The following FABP7 variants were observed in gnomAD, a reference collection of about 807,000 sequenced individuals.
FABP7 encodes fatty acid-binding protein, brain.
FABP7 carries 13 observed loss-of-function variants against 14.2 expected under a neutral mutation model. That is an observed-to-expected ratio of 0.91 (90% CI 0.59 to 1.45). The LOEUF (loss-of-function observed/expected upper bound fraction) is 1.45, where lower values mean the gene tolerates loss of function less well. Ranked by LOEUF, FABP7 falls within the 40% of genes most tolerant of loss-of-function variation. The probability of loss-of-function intolerance (pLI) is 0.00; values close to 1 mark genes in which losing one functional copy is unlikely to be tolerated. For missense variants in FABP7, 149 were observed against 157.6 expected, an observed-to-expected ratio of 0.95 and a Z score of 0.29; for synonymous variants, 49 against 51.4, an observed-to-expected ratio of 0.95 and a Z score of 0.20.
chr6:122,778,723 G>A (rs1279795369), upstream of FABP7, among the ~76,000 whole-genome samples: 1 of 152,182 alleles, frequency 6.6e-6, no homozygotes, highest in African/African-American at 2.4e-5. Flanking sequence ...AGGGCAAACT[G>A]AAACCAAAGC....
At chr6:122,782,961 A>G in intron 3 of FABP7, 1 of 985,448 alleles carries the variant, frequency 1.0e-6, no homozygotes, top group Non-Finnish European at 1.2e-6. Context: ...AGAAAAGTAG[A>G]TAGCTCAACC....
intron 3 of FABP7, chr6:122,783,328 A>G: frequency 1.0e-6 from 1 of 985,210 alleles, no homozygotes; most frequent in Non-Finnish European, 1.2e-6. Context: ...ATGGCTATTC[A>G]AAATTTATCT....
intron 3 of FABP7, chr6:122,783,491 T>C (rs1473784962): frequency 2.0e-6 from 2 of 985,352 alleles, no homozygotes; most frequent in Admixed American, 6.1e-5. Flanking sequence ...TCTTTTGACT[T>C]GAATCTAAAG....
At chr6:122,768,521 G>A in the FABP7 span, among the ~76,000 whole-genome samples, 81 of 152,142 alleles carry the variant, frequency 5.3e-4, no homozygotes, top group African/African-American at 2.0e-3. Context: ...ATGAGATTCA[G>A]GAAGATGTTT....
At chr6:122,782,056 A>G (rs1780802485) in intron 3 of FABP7, 19 of 985,242 alleles carry the variant, frequency 1.9e-5, no homozygotes, top group Admixed American at 1.2e-4. Context: ...CCAGCCCCCA[A>G]AGAGAACCAT....
the FABP7 span, among the ~76,000 whole-genome samples, chr6:122,763,739 C>T: frequency 6.6e-6 from 1 of 152,148 alleles, no homozygotes; most frequent in Non-Finnish European, 1.5e-5. Context: ...AGGATATGAA[C>T]AGACACTTCT....
chr6:122,759,987 C>T, the FABP7 span, among the ~76,000 whole-genome samples: 1 of 151,646 alleles, frequency 6.6e-6, no homozygotes, highest in African/African-American at 2.4e-5. Context: ...GGTGTGGTGG[C>T]GGGTGCCTGC....
the FABP7 span, among the ~76,000 whole-genome samples, chr6:122,755,658 C>T: frequency 2.9e-4 from 44 of 151,814 alleles, no homozygotes; most frequent in East Asian, 3.9e-3. Context: ...GGAGTTTCAC[C>T]GTGTTATCCA....
the FABP7 span, among the ~76,000 whole-genome samples, chr6:122,768,273 A>G: frequency 2.1e-4 from 32 of 152,286 alleles, no homozygotes; most frequent in African/African-American, 7.7e-4. Flanking sequence ...AGTCCACTTT[A>G]GAAAACAATT....
chr6:122,782,899 T>G (rs1358703445), intron 3 of FABP7: 1 of 985,290 alleles, frequency 1.0e-6, no homozygotes, highest in Non-Finnish European at 1.2e-6. Context: ...TTCTAAAAGA[T>G]TCGCTCTGAA....
the FABP7 span, among the ~76,000 whole-genome samples, chr6:122,758,663 G>C: frequency 6.6e-6 from 1 of 152,118 alleles, no homozygotes; most frequent in Non-Finnish European, 1.5e-5. Flanking sequence ...CTAAGTATAT[G>C]CTGGGCTTTG....
chr6:122,767,536 C>T, the FABP7 span, among the ~76,000 whole-genome samples: 1 of 151,888 alleles, frequency 6.6e-6, no homozygotes, highest in Admixed American at 6.6e-5. Context: ...TCTACATATT[C>T]AAAAGTGAAT....
At chr6:122,753,572 G>A in the FABP7 span, among the ~76,000 whole-genome samples, 1 of 152,078 alleles carries the variant, frequency 6.6e-6, no homozygotes, top group Non-Finnish European at 1.5e-5. Context: ...AGTGGGTACT[G>A]TCACCGATAG....
At chr6:122,776,393 G>A (rs1385882425), upstream of FABP7, among the ~76,000 whole-genome samples, 1 of 152,066 alleles carries the variant, frequency 6.6e-6, no homozygotes, top group African/African-American at 2.4e-5. Context: ...GGAGCTGGAG[G>A]ATATTAAACG....
At chr6:122,764,340 A>G in the FABP7 span, among the ~76,000 whole-genome samples, 1 of 152,070 alleles carries the variant, frequency 6.6e-6, no homozygotes. Flanking sequence ...TTGAACAATG[A>G]GAACACTTGG....
In FABP7 at chr6:122,779,831, AAC is replaced by A; in HGVS notation, c.39_40del (p.Asn13LysfsTer5). On this transcript the variant is annotated frameshift_variant, in exon 1 of 4. Coordinates refer to ENST00000368444, the MANE Select transcript of FABP7 (RefSeq NM_001446.5). LOFTEE classifies it high-confidence loss of function. ...TTTCTGTGCTACCTGGAAGCTGACC[AAC>A]AGTCAGAACTTTGATGAGTACATGA... ...EAFCATWKLT[N>X]SQNFDEYMKA... 6.2e-7 allele frequency: 1 copy of A among 1,614,160 alleles called. No individual in the cohort carries two copies. The highest frequency in any genetic ancestry group is 8.5e-7 in the Non-Finnish European group (1 of 1,180,028).
chr6:122,780,400 G>A lies in FABP7; in HGVS notation c.183G>A (p.Thr61=), dbSNP rs373105813. 19 of 1,613,954 alleles carry A rather than the reference G, an allele frequency of 1.2e-5. No homozygotes were observed. Among genetic ancestry groups the A allele is most frequent in the Middle Eastern group, 1.6e-4 (1 of 6,084 alleles). The part of the protein sequence containing the change: ...VIRTLSTFKN[T]EISFQLGEEF... ...GGACTCTCAGCACATTCAAGAACAC[G>A]GAGATTAGTTTCCAGCTGGGAGAAG... Residue 61 remains threonine, a synonymous_variant, in exon 2 of 4, where the codon ACG becomes ACA. Transcript: ENST00000368444.
the FABP7 span, among the ~76,000 whole-genome samples, chr6:122,758,281 T>C: frequency 6.6e-6 from 1 of 152,144 alleles, no homozygotes; most frequent in Admixed American, 6.5e-5. Flanking sequence ...TTAATTTTTG[T>C]ATTTTTAGTA....
chr6:122,752,109 A>T, the FABP7 span, among the ~76,000 whole-genome samples: 1 of 150,304 alleles, frequency 6.7e-6, no homozygotes, highest in Non-Finnish European at 1.5e-5. Context: ...CTTTGTTAGC[A>T]AACCTCCCCT....
Sources: gnomAD v4.1 joint callset for allele counts (sites outside exome capture counted in the v4.1 genomes callset) on GRCh38, gnomAD v4.1.1 for gene constraint, MANE v1.5 for transcripts, NCBI Gene and HGNC (gene_info 2026-07-23, HGNC 2026-07-21) for gene names.